ATP2B3: variants seen among roughly 807,000 people sequenced by gnomAD.
ATP2B3 encodes the protein ATPase plasma membrane Ca2+ transporting 3.
Under a neutral mutation model 70.8 loss-of-function variants are expected in ATP2B3, and 12 were observed. The ratio of observed to expected loss-of-function variants is 0.17; its 90% CI spans 0.11 to 0.27. The LOEUF is 0.27. Ranked by LOEUF, ATP2B3 falls within the 10% of genes least tolerant of loss-of-function variation. The pLI, the probability that ATP2B3 is intolerant of heterozygous loss-of-function variation, is 1.00. For missense variants in ATP2B3, 858 were observed against 1,118.5 expected (o/e 0.77, Z 3.32); for synonymous variants, 460 against 497.8 (o/e 0.92, Z 1.01).
chrX:153,557,885 C>G (rs993129578), intron 16 of ATP2B3, among the ~76,000 whole-genome samples: 1 of 107,512 alleles, frequency 9.3e-6, no homozygotes, highest in East Asian at 2.9e-4. Flanking sequence ...GAGCAAAGCC[C>G]CCCCCCCCAC....
intron 7 of ATP2B3, among the ~76,000 whole-genome samples, chrX:153,544,327 G>A (rs1199133027): frequency 8.9e-6 from 1 of 112,514 alleles, no homozygotes; most frequent in Admixed American, 9.3e-5. Context: ...GGGAACCCAC[G>A]CTCCTCTGGA....
rs926814582 is a variant in ATP2B3, at chrX:153,524,394, A to G, written c.-127+5843A>G. Among the ~76,000 whole-genome samples the G allele has an allele frequency of 2.7e-5, 3 of 111,234 alleles. No homozygotes were observed. In the South Asian group the frequency reaches 1.1e-3, roughly 42 times the overall value. On this transcript the variant is annotated intron_variant, in intron 2 of 21. Transcript: ENST00000263519. ...ACATAGTCTCTGTCCCGACTACTCA[A>G]CTCTGCATGGTAGCCTGCAAGTAGC...
intron 12 of ATP2B3, 113 bp downstream of exon 12, chrX:153,550,399 T>C: frequency 9.3e-7 from 1 of 1,074,433 alleles, no homozygotes; most frequent in East Asian, 3.1e-5. Flanking sequence ...CAGTGTACAG[T>C]TGAATGGCAT....
chrX:153,521,283 T>C lies in ATP2B3; in HGVS notation c.-127+2732T>C, dbSNP rs183535859. On this transcript the variant is annotated intron_variant, in intron 2 of 21. Coordinates refer to ENST00000263519, the MANE Select transcript of ATP2B3 (RefSeq NM_001001344.3). ...CCCTGCCTGGGCTCCTTCTGTTGGG[T>C]GGGCGGTGCTGGCAGTGGGCCTGGG... 2.1e-3 allele frequency among the ~76,000 whole-genome samples: 232 copies of C among 112,866 alleles called. 1 individual carries two copies. Among genetic ancestry groups the C allele is most frequent in the African/African-American group, 7.2e-3 (224 of 31,162 alleles).
intron 21 of ATP2B3, among the ~76,000 whole-genome samples, chrX:153,578,540 G>C: frequency 8.9e-6 from 1 of 112,783 alleles, no homozygotes; most frequent in Admixed American, 9.3e-5. Context: ...TTGAGTGCGT[G>C]AGGCAAGGTG....
chrX:153,542,694 C>T (rs1411960837), intron 6 of ATP2B3, among the ~76,000 whole-genome samples: 1 of 113,363 alleles, frequency 8.8e-6, no homozygotes, highest in African/African-American at 3.2e-5. Flanking sequence ...ATGGGAAGCC[C>T]CAAGCGGAGA....
At chrX:153,572,351 G>C in intron 21 of ATP2B3, among the ~76,000 whole-genome samples, 1 of 112,923 alleles carries the variant, frequency 8.9e-6, no homozygotes, top group East Asian at 2.8e-4. Flanking sequence ...CCCACCAGGA[G>C]TCTGGGGCCT....
At chrX:153,554,270 C>G (rs982707281) in intron 13 of ATP2B3, among the ~76,000 whole-genome samples, 5 of 113,031 alleles carry the variant, frequency 4.4e-5, no homozygotes, top group African/African-American at 1.6e-4. Context: ...AGGCGGGCAG[C>G]GGCATGAGTC....
rs782386253 is a variant in ATP2B3 at position 153,543,162 on chromosome X, A to G, written c.910A>G (p.Lys304Glu). Reference sequence around the variant, plus strand: ...CGGAGAGGAGGAAGAGAAGAAAGATAAGAAAGGTAGCGCAGCAGTGCCGCC... The same window carrying G: ...CGGAGAGGAGGAAGAGAAGAAAGATGAGAAAGGTAGCGCAGCAGTGCCGCC... ...AGGEEEEKKD[K>E]KGKQQDGAME... The change falls in exon 7 of 22, where the codon AAG (lysine) becomes GAG (glutamate). Residue 304 changes from lysine (K) to glutamate (E), a missense_variant. Lys to Glu is a moderately conservative substitution (Grantham distance 56). Transcript: ENST00000263519. 1 of 1,209,736 alleles carries G rather than the reference A, an allele frequency of 8.3e-7. No homozygotes were observed. Among genetic ancestry groups the G allele is most frequent in the East Asian group, 3.0e-5 (1 of 33,710 alleles).
At chrX:153,569,904 G>A (rs2090763552) in intron 21 of ATP2B3, 3 of 627,862 alleles carry the variant, frequency 4.8e-6, no homozygotes, top group Admixed American at 3.5e-5. Context: ...AGTCCTTCCC[G>A]CCCAGACGGT....
intron 3 of ATP2B3, 66 bp downstream of exon 3, chrX:153,536,521 G>A: frequency 9.0e-7 from 1 of 1,112,511 alleles, no homozygotes; most frequent in Non-Finnish European, 1.2e-6. Context: ...CGACCTGAAG[G>A]CATCCTTAGC....
intron 2 of ATP2B3, among the ~76,000 whole-genome samples, chrX:153,531,651 G>A (rs1305105768): frequency 8.9e-6 from 1 of 112,794 alleles, no homozygotes; most frequent in Non-Finnish European, 1.9e-5. Flanking sequence ...TCCTGGGCCT[G>A]GCTCTGGCTT....
At chrX:153,561,613 C>T (rs2090625854) in intron 19 of ATP2B3, among the ~76,000 whole-genome samples, 3 of 111,600 alleles carry the variant, frequency 2.7e-5, no homozygotes, top group African/African-American at 9.8e-5. Flanking sequence ...GGCTAGGTTG[C>T]GTCATTGCAG....
intron 2 of ATP2B3, among the ~76,000 whole-genome samples, chrX:153,522,298 A>G (rs782470309): frequency 8.9e-6 from 1 of 112,239 alleles, no homozygotes; most frequent in African/African-American, 3.2e-5. Context: ...CAAAAAGCAA[A>G]CGCAATGCCC....
intron 2 of ATP2B3, among the ~76,000 whole-genome samples, chrX:153,523,557 CA>C (rs1324292394): frequency 1.8e-5 from 2 of 111,900 alleles, no homozygotes; most frequent in Non-Finnish European, 3.8e-5. Flanking sequence ...TTTAATCAAA[CA>C]AATTGTCATA....
At chrX:153,557,983 G>T (rs1020355768) in intron 16 of ATP2B3, 129 bp from the exon 17 acceptor site, 2 of 584,070 alleles carry the variant, frequency 3.4e-6, no homozygotes, top group Non-Finnish European at 5.1e-6. Flanking sequence ...CTTGGCTTTG[G>T]GGGGCGGGGT....
At chrX:153,544,660 C>T (rs2090337253) in intron 7 of ATP2B3, among the ~76,000 whole-genome samples, 1 of 111,694 alleles carries the variant, frequency 9.0e-6, no homozygotes, top group African/African-American at 3.3e-5. Flanking sequence ...CATTGTTTGG[C>T]GCAGCCTGCC....
Position 153,556,162 on chromosome X carries a change from C to T in ATP2B3, c.2172C>T (p.Pro724=), listed in dbSNP as rs140411431. 57 of 1,210,983 alleles carry T rather than the reference C, an allele frequency of 4.7e-5. No homozygotes were observed. The African/African-American group carries it at 5.9e-4, about 13-fold the overall frequency. ...AIAAKCGIIQ[P]GEDFLCLEGK... ...CAGCCAAATGCGGCATCATCCAGCC[C>T]GGGGAGGACTTCCTGTGCCTAGAAG... Residue 724 remains proline, a synonymous_variant, in exon 14 of 22, where the codon CCC becomes CCT. Transcript: ENST00000263519.
chrX:153,531,060 G>A (rs2090110106), intron 2 of ATP2B3, among the ~76,000 whole-genome samples: 1 of 112,261 alleles, frequency 8.9e-6, no homozygotes, highest in Non-Finnish European at 1.9e-5. Context: ...GGTCGCCAAG[G>A]TGCGTCAAGC....
Sources: allele counts gnomAD v4.1 joint callset (sites outside exome capture counted in the v4.1 genomes callset), GRCh38; gene constraint gnomAD v4.1.1; transcripts MANE v1.5; gene names NCBI Gene and HGNC (gene_info 2026-07-23, HGNC 2026-07-21).